Variants in IMMP1L observed in about 807,000 individuals in gnomAD.
IMMP1L encodes mitochondrial inner membrane protease subunit 1.
In IMMP1L, 24 loss-of-function variants were observed where a neutral mutation model predicts 21.8. The observed-to-expected ratio is 1.10, with a 90% CI of 0.80 to 1.55. The LOEUF (loss-of-function observed/expected upper bound fraction) is 1.55. Ranked by LOEUF, IMMP1L falls within the 40% of genes most tolerant of loss-of-function variation. The pLI, the probability that IMMP1L is intolerant of heterozygous loss-of-function variation, is 0.00. For missense variants in IMMP1L, 195 were observed against 200.7 expected, an observed-to-expected ratio of 0.97 and a Z score of 0.17; for synonymous variants, 46 against 62.8, an observed-to-expected ratio of 0.73 and a Z score of 1.26.
At chr11:31,453,491 G>C (rs1288874854) in intron 4 of IMMP1L, among the ~76,000 whole-genome samples, 1 of 152,176 alleles carries the variant, frequency 6.6e-6, no homozygotes, top group African/African-American at 2.4e-5. Flanking sequence ...GCAGAGGTAA[G>C]GGGAAGAAAC....
chr11:31,505,319 T>C (rs1341435011), intron 1 of IMMP1L, among the ~76,000 whole-genome samples: 2 of 152,228 alleles, frequency 1.3e-5, no homozygotes, highest in African/African-American at 4.8e-5. Flanking sequence ...AATAGTTGTT[T>C]AAGATAGGCA....
At chr11:31,473,759 T>A (rs1026695644) in intron 1 of IMMP1L, 7 of 985,314 alleles carry the variant, frequency 7.1e-6, no homozygotes, top group Non-Finnish European at 8.4e-6. Flanking sequence ...CAAGAAGTTG[T>A]CCACCTGATT....
At chr11:31,476,878 T>C (rs889749297) in intron 1 of IMMP1L, among the ~76,000 whole-genome samples, 3 of 152,088 alleles carry the variant, frequency 2.0e-5, no homozygotes, top group African/African-American at 4.8e-5. Flanking sequence ...AAGTTTTTAG[T>C]TGAAATAAAA....
intron 2 of IMMP1L, 76 bp downstream of exon 2, chr11:31,463,096 A>T: frequency 1.6e-6 from 2 of 1,220,012 alleles, no homozygotes; most frequent in Non-Finnish European, 2.3e-6. Context: ...AGGTTTTCAA[A>T]AGGAAAAACA....
intron 1 of IMMP1L, among the ~76,000 whole-genome samples, chr11:31,487,166 A>G (rs935279377): frequency 6.6e-6 from 1 of 151,912 alleles, no homozygotes; most frequent in African/African-American, 2.4e-5. Flanking sequence ...GCTATCAACA[A>G]TTTCCTTGAT....
intron 1 of IMMP1L, among the ~76,000 whole-genome samples, chr11:31,493,018 G>T (rs1955308240): frequency 6.6e-6 from 1 of 152,162 alleles, no homozygotes; most frequent in South Asian, 2.1e-4. Context: ...TAATTGCAGG[G>T]TTGTCACAAA....
intron 3 of IMMP1L, among the ~76,000 whole-genome samples, chr11:31,457,374 C>A (rs558029321): frequency 6.6e-6 from 1 of 152,160 alleles, no homozygotes; most frequent in East Asian, 1.9e-4. Flanking sequence ...GGACTAATGA[C>A]CACAGTCAAA....
intron 1 of IMMP1L, among the ~76,000 whole-genome samples, chr11:31,473,045 T>A (rs991890372): frequency 1.3e-5 from 2 of 151,514 alleles, no homozygotes; most frequent in African/African-American, 4.9e-5. Context: ...TTTGTTGTTG[T>A]TGTTGTTGTT....
intron 1 of IMMP1L, among the ~76,000 whole-genome samples, chr11:31,482,706 G>T (rs1195551351): frequency 6.6e-6 from 1 of 152,020 alleles, no homozygotes; most frequent in Non-Finnish European, 1.5e-5. Flanking sequence ...AAAAACGAGT[G>T]TTGGAAACAT....
chr11:31,471,631 A>C (rs1473930685), intron 1 of IMMP1L, among the ~76,000 whole-genome samples: 1 of 152,156 alleles, frequency 6.6e-6, no homozygotes, highest in African/African-American at 2.4e-5. Context: ...GAAAAATATG[A>C]GTTAACATAC....
chr11:31,487,212 G>C (rs1484636701), intron 1 of IMMP1L, among the ~76,000 whole-genome samples: 2 of 151,704 alleles, frequency 1.3e-5, no homozygotes, highest in Admixed American at 1.3e-4. Context: ...ATTTTAATAA[G>C]GAAGAAATAA....
At chr11:31,504,838 G>A (rs1375324138) in intron 1 of IMMP1L, among the ~76,000 whole-genome samples, 1 of 152,198 alleles carries the variant, frequency 6.6e-6, no homozygotes, top group Non-Finnish European at 1.5e-5. Flanking sequence ...CACAGAAGTA[G>A]AGAGTATAAT....
rs1305162817 is a variant in IMMP1L at position 31,463,174 on chromosome 11, T to C, written c.103A>G (p.Met35Val). The C allele has an allele frequency of 2.5e-6, 4 of 1,599,028 alleles. No homozygotes were observed. The highest frequency in any genetic ancestry group is 3.4e-6 in the Non-Finnish European group (4 of 1,174,232). The stretch of plus-strand genomic sequence containing the variant: ...TATTCTTGAACATAAAAACTTACCA[T>C]GACAACACCACCAACGTATTCAAAA... The part of the protein sequence containing the change: ...CAFEYVGGVV[M>V]CSGPSMEPTI... Residue 35 changes from methionine to valine, a missense_variant and splice_region_variant, in exon 2 of 6, where the codon ATG becomes GTG. Transcript: ENST00000532287.
At chr11:31,470,758 T>C (rs561429454) in intron 1 of IMMP1L, among the ~76,000 whole-genome samples, 30 of 152,284 alleles carry the variant, frequency 2.0e-4, no homozygotes, top group African/African-American at 6.7e-4. Context: ...AAAGAAAATG[T>C]GGTATATATA....
intron 1 of IMMP1L, among the ~76,000 whole-genome samples, chr11:31,479,599 A>G (rs532676165): frequency 6.6e-6 from 1 of 152,198 alleles, no homozygotes; most frequent in Non-Finnish European, 1.5e-5. Flanking sequence ...AAAGATGACT[A>G]GTCCAAATTG....
chr11:31,445,414 C>T (rs1953480719), intron 4 of IMMP1L, among the ~76,000 whole-genome samples: 1 of 152,152 alleles, frequency 6.6e-6, no homozygotes, highest in African/African-American at 2.4e-5. Context: ...CTGTACATAG[C>T]TGCTTCACAT....
At position 31,441,982 on chromosome 11, in the gene IMMP1L, T is replaced by G. The variant is rs575347414; in HGVS notation, c.322-8412A>C. Reference sequence around the variant, plus strand: ...CTCTTGTAAATATGCTATGCCATTTTGAATGAATGCATAAGACTGAATATA... The same window carrying G: ...CTCTTGTAAATATGCTATGCCATTTGGAATGAATGCATAAGACTGAATATA... On this transcript the variant is annotated intron_variant, in intron 4 of 5. Coordinates refer to ENST00000532287, the MANE Select transcript of IMMP1L (RefSeq NM_001304274.2). Among the ~76,000 whole-genome samples, 19 of 152,336 alleles carry G rather than the reference T, an allele frequency of 1.2e-4. No individual in the cohort carries two copies. In the South Asian group the frequency reaches 3.5e-3, roughly 28 times the overall value.
At chr11:31,473,110 C>G (rs1373990927) in intron 1 of IMMP1L, among the ~76,000 whole-genome samples, 1 of 152,110 alleles carries the variant, frequency 6.6e-6, no homozygotes. Context: ...AGTGTAGTGG[C>G]GCGATCTTGG....
At chr11:31,445,749 G>C (rs1250362742) in intron 4 of IMMP1L, among the ~76,000 whole-genome samples, 2 of 148,848 alleles carry the variant, frequency 1.3e-5, no homozygotes, top group Non-Finnish European at 3.0e-5. Context: ...TTTTGAGACA[G>C]AGTCTCACTC....
Sources: allele counts gnomAD v4.1 joint callset (sites outside exome capture counted in the v4.1 genomes callset), GRCh38; gene constraint gnomAD v4.1.1; transcripts MANE v1.5; gene names NCBI Gene and HGNC (gene_info 2026-07-23, HGNC 2026-07-21).